The following LYN variants were observed in gnomAD, a reference collection of about 807,000 sequenced individuals.
LYN encodes LYN proto-oncogene, Src family tyrosine kinase, also known as tyrosine-protein kinase Lyn.
LYN carries 12 observed loss-of-function variants against 65.0 expected under a neutral mutation model. The ratio of observed to expected loss-of-function variants is 0.18; its 90% CI spans 0.12 to 0.30. The LOEUF (loss-of-function observed/expected upper bound fraction) is 0.30. Among genes scored for constraint, LYN ranks in the 10% least tolerant of loss-of-function variants. The pLI is 1.00. For missense variants in LYN, 380 were observed against 623.2 expected (o/e 0.61, Z 4.16); for synonymous variants, 222 against 221.2 (o/e 1.00, Z -0.03).
intron 12 of LYN, among the ~76,000 whole-genome samples, chr8:56,008,673 G>A (rs948920909): frequency 2.0e-5 from 3 of 152,144 alleles, no homozygotes; most frequent in African/African-American, 7.2e-5. Context: ...TGAGACATTT[G>A]ACCACATTAA....
chr8:55,979,523 T>G (rs1211720146), intron 10 of LYN, among the ~76,000 whole-genome samples: 2 of 152,198 alleles, frequency 1.3e-5, no homozygotes, highest in Non-Finnish European at 2.9e-5. Context: ...TGTCTGTAGC[T>G]CTGCAGCTCG....
At chr8:55,883,855 T>C (rs1804714551) in intron 1 of LYN, among the ~76,000 whole-genome samples, 1 of 151,860 alleles carries the variant, frequency 6.6e-6, no homozygotes, top group Non-Finnish European at 1.5e-5. Flanking sequence ...AAGAGGAAGT[T>C]GTTGGGTTTT....
rs1332171514 is a variant in LYN, at chr8:55,910,214, C to T, written c.-6+30111C>T. Among the ~76,000 whole-genome samples, 3 of 152,080 alleles carry T rather than the reference C, an allele frequency of 2.0e-5. 1 individual carries two copies. Among genetic ancestry groups the T allele is most frequent in the South Asian group, 2.1e-4 (1 of 4,828 alleles). Reference sequence around the variant, plus strand: ...GCTTTTGAGGTCTTAGTCATGAATTCTTTGCCTAGACCAATGTCCAGAAGT... The same window carrying T: ...GCTTTTGAGGTCTTAGTCATGAATTTTTTGCCTAGACCAATGTCCAGAAGT... On this transcript the variant is annotated intron_variant, in intron 1 of 12. Coordinates refer to ENST00000519728, the MANE Select transcript of LYN (RefSeq NM_002350.4).
intron 10 of LYN, among the ~76,000 whole-genome samples, chr8:55,982,298 T>G (rs1009517879): frequency 3.9e-5 from 6 of 152,136 alleles, no homozygotes; most frequent in Non-Finnish European, 7.4e-5. Flanking sequence ...GTGCTTCAGA[T>G]TTGGTTTTGT....
chr8:55,913,888 T>C (rs373024775), intron 1 of LYN, among the ~76,000 whole-genome samples: 99 of 152,212 alleles, frequency 6.5e-4, no homozygotes, highest in South Asian at 2.7e-3. Flanking sequence ...TACTGGGCTT[T>C]CTTATGGCTG....
At chr8:55,941,761 ATATTTTTTC>A in intron 1 of LYN, 85 bp from the exon 2 acceptor site, 3 of 842,278 alleles carry the variant, frequency 3.6e-6, no homozygotes, top group Non-Finnish European at 5.6e-6. Context: ...GAATAAAAGT[ATATTTTTTC>A]TACTCTTTTT....
intron 1 of LYN, among the ~76,000 whole-genome samples, chr8:55,890,484 G>A (rs1804926411): frequency 6.6e-6 from 1 of 152,166 alleles, no homozygotes; most frequent in Admixed American, 6.5e-5. Flanking sequence ...TTGTTGGTGG[G>A]AGTGTAAAAT....
intron 7 of LYN, 112 bp downstream of exon 7, chr8:55,952,227 T>C: frequency 1.2e-6 from 1 of 835,864 alleles, no homozygotes; most frequent in East Asian, 2.9e-5. Context: ...TTCTCTTAGA[T>C]ACAGTTGCAG....
chr8:55,931,007 G>A (rs943084966), intron 1 of LYN, among the ~76,000 whole-genome samples: 8 of 151,246 alleles, frequency 5.3e-5, no homozygotes, highest in African/African-American at 1.9e-4. Flanking sequence ...TTAGGCCATG[G>A]GTTCAGATTA....
chr8:55,957,815 T>C (rs1807163450), intron 8 of LYN, among the ~76,000 whole-genome samples: 2 of 152,188 alleles, frequency 1.3e-5, no homozygotes, highest in East Asian at 1.9e-4. Context: ...AGCATGGTGG[T>C]GTTGCACCTG....
At chr8:55,939,531 G>GC (rs1806536156) in intron 1 of LYN, among the ~76,000 whole-genome samples, 1 of 150,190 alleles carries the variant, frequency 6.7e-6, no homozygotes, top group Non-Finnish European at 1.5e-5. Flanking sequence ...CAGGAACGCA[G>GC]TGGGGGGGGG....
At chr8:55,905,961 C>G (rs1238225114) in intron 1 of LYN, among the ~76,000 whole-genome samples, 2 of 152,208 alleles carry the variant, frequency 1.3e-5, no homozygotes, top group Non-Finnish European at 2.9e-5. Flanking sequence ...AGCATGTAGT[C>G]AGAAACCACC....
intron 10 of LYN, among the ~76,000 whole-genome samples, chr8:55,971,993 C>T (rs1023090937): frequency 2.6e-5 from 4 of 152,152 alleles, no homozygotes; most frequent in Non-Finnish European, 4.4e-5. Flanking sequence ...TGAGCCCCCT[C>T]GGTGACAGGA....
rs1159553748 is a variant in LYN at position 55,969,804 on chromosome 8, C to A, written c.1050+11C>A. ...GACTTTTCTGCTCAGGTAACATATT[C>A]AAAAAGCCCCGTGTGCACGTGCATT... On this transcript the variant is annotated intron_variant, in intron 10 of 12. Transcript: ENST00000519728. 1.9e-6 allele frequency: 3 copies of A among 1,613,026 alleles called. No individual in the cohort carries two copies. The highest frequency in any genetic ancestry group is 2.5e-6 in the Non-Finnish European group (3 of 1,179,124).
chr8:55,931,553 G>A (rs868185726), intron 1 of LYN, among the ~76,000 whole-genome samples: 140 of 151,900 alleles, frequency 9.2e-4, no homozygotes, highest in African/African-American at 3.3e-3. Flanking sequence ...TGAACATTGC[G>A]GTAGTTTAGC....
rs1402402582 is a variant in LYN, at chr8:56,010,424, T to C, written c.*314T>C. The C allele has an allele frequency of 1.8e-5, 7 of 380,014 alleles. No individual in the cohort carries two copies. The highest frequency in any genetic ancestry group is 3.4e-5 in the Non-Finnish European group (7 of 203,774). 23.5% of individuals were successfully genotyped at this position (380,014 alleles called of 1,614,324 possible). A position where few individuals can be genotyped will look rare whatever the true frequency, so the allele number is the denominator to read the frequency against. On this transcript the variant is annotated 3_prime_UTR_variant, in exon 13 of 13. Coordinates refer to ENST00000519728, the MANE Select transcript of LYN (RefSeq NM_002350.4). ...CTCTCCAAAAATGCACCCAACTAGC[T>C]CTATGTTTACAAATGGACATAGGAC...
At chr8:55,944,085 CA>C (rs910799133) in intron 2 of LYN, among the ~76,000 whole-genome samples, 16 of 147,504 alleles carry the variant, frequency 1.1e-4, no homozygotes, top group East Asian at 5.9e-4. Context: ...CGAGAGTCTC[CA>C]AAAAAAAAGG....
intron 2 of LYN, among the ~76,000 whole-genome samples, chr8:55,943,486 G>T (rs931791557): frequency 1.4e-4 from 21 of 147,422 alleles, no homozygotes; most frequent in Non-Finnish European, 2.2e-4. Context: ...TGAGGAAGAA[G>T]AATTGCTTGA....
chr8:55,954,454 T>G (rs552866792), intron 8 of LYN, among the ~76,000 whole-genome samples: 10 of 152,370 alleles, frequency 6.6e-5, no homozygotes, highest in African/African-American at 2.4e-4. Flanking sequence ...TAACATTAAG[T>G]ATTGCCTTCT....
Sources: gnomAD v4.1 joint callset for allele counts (sites outside exome capture counted in the v4.1 genomes callset) on GRCh38, gnomAD v4.1.1 for gene constraint, MANE v1.5 for transcripts, NCBI Gene and HGNC (gene_info 2026-07-23, HGNC 2026-07-21) for gene names.